Variants in CEACAM1 observed in about 807,000 individuals in gnomAD.
CEACAM1 encodes CEA cell adhesion molecule 1.
Under a neutral mutation model 49.1 loss-of-function variants are expected in CEACAM1, and 31 were observed. The observed-to-expected ratio is 0.63, with a 90% CI of 0.47 to 0.85. The LOEUF is 0.85. CEACAM1 is among the 40% of genes least tolerant of loss of function. CEACAM1 has a pLI of 0.00. For synonymous variants in CEACAM1, 244 were observed against 247.8 expected, an observed-to-expected ratio of 0.98 and a Z score of 0.14; for missense variants, 570 against 645.3, an observed-to-expected ratio of 0.88 and a Z score of 1.26.
Position 42,526,991 on chromosome 19 carries a change from G to A in CEACAM1, c.424+50C>T, listed in dbSNP as rs1366947942. On this transcript the variant is annotated intron_variant, in intron 2 of 8. Coordinates refer to ENST00000161559, the MANE Select transcript of CEACAM1 (RefSeq NM_001712.5). ...CCCAGGCCTGACAATCCCATGTGTG[G>A]GAAGTAGAACTAACCCCCCAACACC... is the stretch of plus-strand genomic sequence containing the variant. The A allele has an allele frequency of 2.5e-6, 4 of 1,571,486 alleles. No individual in the cohort carries two copies. The Admixed American group carries it at 7.3e-5, about 29-fold the overall frequency.
At chr19:42,515,438 C>T (rs963092827) in intron 5 of CEACAM1, among the ~76,000 whole-genome samples, 3 of 152,112 alleles carry the variant, frequency 2.0e-5, no homozygotes, top group African/African-American at 7.2e-5. Context: ...ATTTGGGAGG[C>T]TGAGGCAGGT....
intron 5 of CEACAM1, among the ~76,000 whole-genome samples, chr19:42,512,792 C>G (rs1294079945): frequency 6.6e-6 from 1 of 151,940 alleles, no homozygotes; most frequent in Non-Finnish European, 1.5e-5. Context: ...ATTCTCCTGC[C>G]TCAGGCTGGA....
intron 2 of CEACAM1, among the ~76,000 whole-genome samples, chr19:42,522,556 T>TTTTC (rs1600235928): frequency 6.7e-6 from 1 of 150,050 alleles, no homozygotes; most frequent in South Asian, 2.1e-4. Context: ...GGCTGGGCAT[T>TTTTC]TTTCTTTCTT....
Position 42,527,096 on chromosome 19 carries a change from T to A in CEACAM1, c.369A>T (p.Gln123His). The change falls in exon 2 of 9, where the codon CAA becomes CAT. Residue 123 changes from glutamine to histidine, a missense_variant. By Grantham distance (24) the Gln-to-His change is conservative. Transcript: ENST00000161559. ...TQNDTGFYTL[Q>H]VIKSDLVNEE... Reference sequence around the variant, plus strand: ...CATTCACAAGATCTGACTTTATGACTTGTAGGGTGTAGAATCCTGTGTCAT... The same window carrying A: ...CATTCACAAGATCTGACTTTATGACATGTAGGGTGTAGAATCCTGTGTCAT... The A allele has an allele frequency of 6.3e-7, 1 of 1,594,508 alleles. No homozygotes were observed. Among genetic ancestry groups the A allele is most frequent in the African/African-American group, 1.3e-5 (1 of 74,088 alleles).
At chr19:42,523,932 A>G (rs756285455) in intron 2 of CEACAM1, among the ~76,000 whole-genome samples, 1 of 152,206 alleles carries the variant, frequency 6.6e-6, no homozygotes, top group Non-Finnish European at 1.5e-5. Flanking sequence ...GTCAGAAAGG[A>G]TATCTGAGAG....
Position 42,519,054 on chromosome 19 carries a change from G to GGTGGTGTTGCC in CEACAM1, c.1129_1139dup (p.Leu381AlafsTer7), listed in dbSNP as rs751206116. 1 of 1,614,160 alleles carries GGTGGTGTTGCC rather than the reference G, an allele frequency of 6.2e-7. No individual in the cohort carries two copies. The highest frequency in any genetic ancestry group is 1.7e-5 in the Admixed American group (1 of 60,026). ...CCCTCTTGACAGGGTTTATGCTGAGGGTGGTGTTGCCCTGGGACAGCTTCA... is the reference window on the plus strand; with the variant it reads ...CCCTCTTGACAGGGTTTATGCTGAGGGTGGTGTTGCCGTGGTGTTGCCCTGGGACAGCTTCA... On this transcript the variant is annotated frameshift_variant, in exon 5 of 9. Coordinates refer to ENST00000161559, the MANE Select transcript of CEACAM1 (RefSeq NM_001712.5). LOFTEE classifies it high-confidence loss of function.
intron 5 of CEACAM1, among the ~76,000 whole-genome samples, chr19:42,514,110 C>T (rs1474870304): frequency 6.7e-6 from 1 of 148,270 alleles, no homozygotes. Flanking sequence ...CACATGCCAC[C>T]ACACCTGGCT....
At chr19:42,521,876 T>C in intron 3 of CEACAM1, 48 bp downstream of exon 3, 1 of 1,613,660 alleles carries the variant, frequency 6.2e-7, no homozygotes, top group Non-Finnish European at 8.5e-7. Context: ...TCTGGCTGCG[T>C]GGATTTGGGC....
At chr19:42,523,994 T>C (rs1453433968) in intron 2 of CEACAM1, among the ~76,000 whole-genome samples, 1 of 152,066 alleles carries the variant, frequency 6.6e-6, no homozygotes, top group Non-Finnish European at 1.5e-5. Flanking sequence ...AAGTGATGTA[T>C]GTTATGTTAG....
intron 3 of CEACAM1, 75 bp from the exon 4 acceptor site, chr19:42,521,596 C>T: frequency 6.4e-7 from 1 of 1,564,440 alleles, no homozygotes; most frequent in Non-Finnish European, 8.7e-7. Flanking sequence ...AGAAGGGCCA[C>T]AGTGTTCCTC....
intron 5 of CEACAM1, 117 bp from the exon 6 acceptor site, chr19:42,512,596 C>A (rs568222975): frequency 2.0e-6 from 2 of 1,024,774 alleles, no homozygotes; most frequent in Middle Eastern, 2.1e-4. Flanking sequence ...AATACAGTTT[C>A]GTTGTGGGAA....
intron 4 of CEACAM1, 117 bp downstream of exon 4, chr19:42,521,150 G>T: frequency 8.9e-7 from 1 of 1,119,660 alleles, no homozygotes; most frequent in Non-Finnish European, 1.3e-6. Flanking sequence ...GGAGAATTTG[G>T]ACTTGTTTGT....
At chr19:42,518,767 T>C in intron 5 of CEACAM1, 181 bp downstream of exon 5, 1 of 700,030 alleles carries the variant, frequency 1.4e-6, no homozygotes, top group South Asian at 1.8e-5. Flanking sequence ...CCCAAACTGC[T>C]GGGATTACAG....
chr19:42,518,780 G>T (rs1011884683), intron 5 of CEACAM1, 168 bp downstream of exon 5: 4 of 770,678 alleles, frequency 5.2e-6, no homozygotes, highest in African/African-American at 3.5e-5. Flanking sequence ...GATTACAGGC[G>T]TGAGCCACTG....
intron 5 of CEACAM1, among the ~76,000 whole-genome samples, chr19:42,513,762 C>A (rs1301742670): frequency 6.8e-6 from 1 of 147,336 alleles, no homozygotes; most frequent in Non-Finnish European, 1.5e-5. Context: ...TTAATCCCAT[C>A]TTCACTGTAT....
intron 8 of CEACAM1, among the ~76,000 whole-genome samples, chr19:42,509,657 C>A (rs1271179791): frequency 6.6e-6 from 1 of 151,558 alleles, no homozygotes; most frequent in Non-Finnish European, 1.5e-5. Flanking sequence ...GACGGAGTCT[C>A]GCTCTGTCGC....
chr19:42,510,972 C>G (rs1568649449), intron 7 of CEACAM1, 52 bp from the exon 8 acceptor site: 3 of 1,572,480 alleles, frequency 1.9e-6, no homozygotes, highest in Middle Eastern at 1.7e-4. Flanking sequence ...AAGCTGACTT[C>G]AGGTGATTCT....
chr19:42,521,558 C>A (rs370245842), intron 3 of CEACAM1, 37 bp from the exon 4 acceptor site: 7 of 1,599,086 alleles, frequency 4.4e-6, no homozygotes, highest in Non-Finnish European at 6.0e-6. Flanking sequence ...GTGATGTCAT[C>A]AGAGGGAAGG....
chr19:42,521,198 C>G, intron 4 of CEACAM1, 69 bp downstream of exon 4: 1 of 1,567,480 alleles, frequency 6.4e-7, no homozygotes, highest in Non-Finnish European at 8.7e-7. Flanking sequence ...AATTTCTTCT[C>G]TGCTCCTATT....
Sources: gnomAD v4.1 joint callset for allele counts (sites outside exome capture counted in the v4.1 genomes callset) on GRCh38, gnomAD v4.1.1 for gene constraint, MANE v1.5 for transcripts, NCBI Gene and HGNC (gene_info 2026-07-23, HGNC 2026-07-21) for gene names.